Variants in UNC79 observed in about 807,000 individuals in gnomAD.
UNC79 encodes unc-79 subunit of NALCN channel complex, also known as protein unc-79 homolog.
In UNC79, 37 loss-of-function variants were observed where a neutral mutation model predicts 283.1. The ratio of observed to expected loss-of-function variants is 0.13; its 90% CI spans 0.10 to 0.17. The LOEUF (loss-of-function observed/expected upper bound fraction) is 0.17, where lower values mean the gene tolerates loss of function less well. Among genes scored for constraint, UNC79 ranks in the 10% least tolerant of loss-of-function variants. The pLI, the probability that UNC79 is intolerant of heterozygous loss-of-function variation, is 1.00. For synonymous variants in UNC79, 1,107 were observed against 1,200.2 expected (o/e 0.92, Z 1.61); for missense variants, 2,272 against 3,211.1 (o/e 0.71, Z 7.07).
At chr14:93,440,078 G>C (rs1172350205) in intron 1 of UNC79, among the ~76,000 whole-genome samples, 2 of 151,992 alleles carry the variant, frequency 1.3e-5, no homozygotes, top group Admixed American at 1.3e-4. Flanking sequence ...AAAATACAGT[G>C]GGGTATGACA....
chr14:93,604,988 A>G, intron 26 of UNC79, 27 bp downstream of exon 27: 4 of 1,562,206 alleles, frequency 2.6e-6, no homozygotes, highest in Non-Finnish European at 3.4e-6. Flanking sequence ...TTGAAGGGCC[A>G]TGTACAAGTG....
intron 1 of UNC79, among the ~76,000 whole-genome samples, chr14:93,412,140 C>A (rs1248050885): frequency 6.6e-6 from 1 of 152,094 alleles, no homozygotes; most frequent in Non-Finnish European, 1.5e-5. Flanking sequence ...ATGCAATTGA[C>A]ATACTGAAGA....
intron 11 of UNC79, among the ~76,000 whole-genome samples, chr14:93,533,590 C>T (rs1269141148): frequency 1.3e-5 from 2 of 152,114 alleles, no homozygotes; most frequent in African/African-American, 2.4e-5. Context: ...CATGATGTCT[C>T]ATCGTCCAGG....
At chr14:93,446,353 A>G (rs925486930) in intron 1 of UNC79, among the ~76,000 whole-genome samples, 3 of 146,036 alleles carry the variant, frequency 2.1e-5, no homozygotes, top group African/African-American at 7.6e-5. Flanking sequence ...TTATCTTGCA[A>G]TTTTTTTCTT....
intron 2 of UNC79, among the ~76,000 whole-genome samples, chr14:93,468,482 C>T (rs1202791263): frequency 6.6e-6 from 1 of 152,164 alleles, no homozygotes; most frequent in Non-Finnish European, 1.5e-5. Flanking sequence ...CATTAAATTC[C>T]AAGATGTGGT....
At chr14:93,487,830 T>A in intron 5 of UNC79, 75 bp downstream of exon 5, 2 of 1,389,290 alleles carry the variant, frequency 1.4e-6, no homozygotes, top group Non-Finnish European at 2.0e-6. Flanking sequence ...GCAGGCTAGA[T>A]GTTCTCATGT....
At chr14:93,555,009 A>G (rs1595852461) in intron 14 of UNC79, among the ~76,000 whole-genome samples, 1 of 152,198 alleles carries the variant, frequency 6.6e-6, no homozygotes, top group African/African-American at 2.4e-5. Context: ...CCTAGAATCT[A>G]ATGGCCCCAA....
chr14:93,691,209 G>A (rs575240943), intron 45 of UNC79: 2 of 162,380 alleles, frequency 1.2e-5, no homozygotes, highest in Non-Finnish European at 2.7e-5. Flanking sequence ...GGAGAGTGAT[G>A]GAGGTGATAT....
At chr14:93,399,877 C>A (rs971765703) in intron 1 of UNC79, among the ~76,000 whole-genome samples, 7 of 152,128 alleles carry the variant, frequency 4.6e-5, no homozygotes, top group Non-Finnish European at 7.3e-5. Context: ...CATTAAGCAG[C>A]TATCCTTAAT....
chr14:93,642,959 C>T (rs1008255129), intron 33 of UNC79, among the ~76,000 whole-genome samples: 9 of 152,230 alleles, frequency 5.9e-5, no homozygotes, highest in Middle Eastern at 3.4e-3. Context: ...TACCTAAAAG[C>T]GGGTGCCATT....
exon 30 of UNC79, chr14:93,622,649 A>G: frequency 6.2e-7 from 1 of 1,614,214 alleles, no homozygotes; most frequent in South Asian, 1.1e-5. Context: ...GCCTGATACC[A>G]GTGCAGAATC....
chr14:93,404,493 A>AATATATATATATATATATATATAT (rs1445930733), intron 1 of UNC79, among the ~76,000 whole-genome samples: 1 of 61,416 alleles, frequency 1.6e-5, no homozygotes, highest in African/African-American at 6.7e-5. Context: ...TTCTAAAAAA[A>AATATATATATATATATATATATAT]ATATATATAT....
chr14:93,481,033 G>T (rs1248108870), intron 4 of UNC79, among the ~76,000 whole-genome samples: 1 of 152,088 alleles, frequency 6.6e-6, no homozygotes, highest in Admixed American at 6.5e-5. Flanking sequence ...ATGAGGTATT[G>T]CAGCTCTTCA....
chr14:93,492,730 A>G lies in UNC79; in HGVS notation c.713-3681A>G, dbSNP rs114034815. The stretch of plus-strand genomic sequence containing the variant: ...GTTTTAACAAAGGAACTGTCCAGGT[A>G]TGTTCATGGGTCAGTGATGGCTCTG... On this transcript the variant is annotated intron_variant, in intron 5 of 48. Transcript: ENST00000555664. Among the ~76,000 whole-genome samples the G allele has an allele frequency of 5.9e-3, 893 of 152,340 alleles. 10 individuals are homozygous for G. Among genetic ancestry groups the G allele is most frequent in the African/African-American group, 0.02 (847 of 41,586 alleles).
intron 1 of UNC79, among the ~76,000 whole-genome samples, chr14:93,370,752 A>G (rs1044875530): frequency 3.3e-5 from 5 of 152,094 alleles, no homozygotes; most frequent in East Asian, 1.9e-4. Context: ...GGCCTGGGCT[A>G]CAGAGCGAGA....
At chr14:93,673,516 A>T in intron 41 of UNC79, 61 bp downstream of exon 44, 2 of 1,421,574 alleles carry the variant, frequency 1.4e-6, no homozygotes, top group Non-Finnish European at 2.0e-6. Flanking sequence ...GGGAAAATTA[A>T]GGGAGGTGTA....
At chr14:93,403,740 A>C (rs898361237) in intron 1 of UNC79, among the ~76,000 whole-genome samples, 10 of 152,210 alleles carry the variant, frequency 6.6e-5, no homozygotes, top group Admixed American at 6.5e-5. Context: ...CCACAAGAAG[A>C]AGCACCAAAA....
chr14:93,479,635 T>C (rs111580660), intron 4 of UNC79, among the ~76,000 whole-genome samples: 122 of 152,156 alleles, frequency 8.0e-4, no homozygotes, highest in African/African-American at 2.8e-3. Context: ...TCTCTCTCTC[T>C]CTTTTCTTTT....
intron 14 of UNC79, among the ~76,000 whole-genome samples, chr14:93,566,639 A>ATT (rs33917214): frequency 0.12 from 16,003 of 136,238 alleles, 1,073 homozygotes; most frequent in Middle Eastern, 0.16. Context: ...AGTTTCTGGA[A>ATT]TTTTTTTTTT....
Sources: gnomAD v4.1 joint callset for allele counts (sites outside exome capture counted in the v4.1 genomes callset) on GRCh38, gnomAD v4.1.1 for gene constraint, MANE v1.5 for transcripts, NCBI Gene and HGNC (gene_info 2026-07-23, HGNC 2026-07-21) for gene names.